The following RIN2 variants were observed in gnomAD, a reference collection of about 807,000 sequenced individuals.
RIN2 encodes RAB5 interacting protein 2.
A neutral mutation model predicts 78.0 loss-of-function variants in RIN2; 36 were observed. The ratio of observed to expected loss-of-function variants is 0.46; its 90% confidence interval spans 0.35 to 0.61. RIN2 has a LOEUF of 0.61. Ranked by LOEUF, RIN2 falls within the 20% of genes least tolerant of loss-of-function variation. The pLI is 0.00. For missense variants in RIN2, 1,087 were observed against 1,159.7 expected (o/e 0.94, Z 0.91); for synonymous variants, 466 against 466.8 (o/e 1.00, Z 0.02).
intron 3 of RIN2, among the ~76,000 whole-genome samples, chr20:19,915,385 T>G (rs2039642938): frequency 6.6e-6 from 1 of 152,056 alleles, no homozygotes; most frequent in African/African-American, 2.4e-5. Context: ...GGGTATTAAC[T>G]CCCCAGCACT....
intron 4 of RIN2, among the ~76,000 whole-genome samples, chr20:19,943,329 C>T (rs187878773): frequency 1.3e-5 from 2 of 152,308 alleles, no homozygotes; most frequent in East Asian, 3.9e-4. Flanking sequence ...GCAGCGTCTC[C>T]CTGGAGGCAG....
intron 3 of RIN2, among the ~76,000 whole-genome samples, chr20:19,914,141 T>C (rs2039586262): frequency 6.6e-6 from 1 of 152,184 alleles, no homozygotes; most frequent in South Asian, 2.1e-4. Context: ...AGATGTCAAG[T>C]GAGTTAGATC....
intron 4 of RIN2, among the ~76,000 whole-genome samples, chr20:19,948,418 G>T (rs73605552): frequency 6.6e-6 from 1 of 151,972 alleles, no homozygotes; most frequent in African/African-American, 2.4e-5. Flanking sequence ...TTTTGGAGAC[G>T]CAGTATCCAT....
chr20:19,915,108 T>A (rs938123192), intron 3 of RIN2, among the ~76,000 whole-genome samples: 5 of 152,056 alleles, frequency 3.3e-5, no homozygotes, highest in African/African-American at 1.2e-4. Context: ...GAATTTATAG[T>A]AAAAAGAAAA....
chr20:19,954,556 T>A (rs2041454619), intron 4 of RIN2, among the ~76,000 whole-genome samples: 1 of 152,212 alleles, frequency 6.6e-6, no homozygotes, highest in South Asian at 2.1e-4. Flanking sequence ...AGCAAGATCC[T>A]GACCTGAGCT....
chr20:19,913,991 A>G (rs888602958), intron 3 of RIN2, among the ~76,000 whole-genome samples: 1 of 152,246 alleles, frequency 6.6e-6, no homozygotes, highest in Non-Finnish European at 1.5e-5. Context: ...CCATAGGCAT[A>G]TGCACACGTG....
intron 12 of RIN2, among the ~76,000 whole-genome samples, chr20:19,997,625 G>A (rs537984742): frequency 6.6e-6 from 1 of 152,204 alleles, no homozygotes; most frequent in African/African-American, 2.4e-5. Context: ...TGGGTGTAGT[G>A]GCAGGCACCT....
At chr20:19,832,388 C>T (rs906667079) in intron 2 of RIN2, among the ~76,000 whole-genome samples, 1 of 149,518 alleles carries the variant, frequency 6.7e-6, no homozygotes, top group Admixed American at 6.7e-5. Context: ...CTCCCCACCT[C>T]CCTAGACTGC....
At chr20:19,831,582 C>T (rs73122286) in intron 2 of RIN2, among the ~76,000 whole-genome samples, 40 of 152,018 alleles carry the variant, frequency 2.6e-4, no homozygotes, top group Non-Finnish European at 4.4e-4. Context: ...AAGAGTAGAC[C>T]GAGATTGTTT....
intron 2 of RIN2, among the ~76,000 whole-genome samples, chr20:19,838,669 A>G (rs1240315116): frequency 6.6e-6 from 1 of 152,158 alleles, no homozygotes; most frequent in Non-Finnish European, 1.5e-5. Context: ...CCGCATGGCT[A>G]CAGGAAATCA....
At chr20:20,000,092 G>A (rs892291903) in intron 12 of RIN2, among the ~76,000 whole-genome samples, 1 of 152,234 alleles carries the variant, frequency 6.6e-6, no homozygotes, top group African/African-American at 2.4e-5. Flanking sequence ...CTACTCAGGA[G>A]GCTGAGGCAG....
chr20:19,831,366 A>G (rs2036246832), intron 2 of RIN2, among the ~76,000 whole-genome samples: 1 of 152,166 alleles, frequency 6.6e-6, no homozygotes, highest in Non-Finnish European at 1.5e-5. Context: ...TTTTCTTTTA[A>G]ATGCACCAAA....
In RIN2 at chr20:19,990,175, G is replaced by A. The variant is rs375793636; in HGVS notation, c.1932G>A (p.Pro644=). 164 of 1,606,020 alleles carry A rather than the reference G, an allele frequency of 1.0e-4. No individual in the cohort carries two copies. The African/African-American group carries it at 1.9e-3, about 19-fold the overall frequency. The part of the protein sequence containing the change: ...RNPQELGVFA[P]TPDFVDVEKI... ...CGCAGGAGCTGGGGGTCTTCGCCCC[G>A]ACCCCTGATTTTGTGGATGTGGAGA... Residue 644 remains proline, a synonymous_variant, in exon 10 of 13, where the codon CCG becomes CCA. Transcript: ENST00000255006.
chr20:19,867,008 ATTT>A (rs11468347), intron 2 of RIN2, among the ~76,000 whole-genome samples: 12 of 150,992 alleles, frequency 7.9e-5, no homozygotes, highest in African/African-American at 2.2e-4. Context: ...GTTTATTTTT[ATTT>A]TTTTTTTTGT....
intron 3 of RIN2, among the ~76,000 whole-genome samples, chr20:19,907,901 G>T (rs192179714): frequency 4.9e-4 from 75 of 152,278 alleles, no homozygotes; most frequent in African/African-American, 1.8e-3. Flanking sequence ...CATCTGTAAG[G>T]TGGGATTAAT....
At chr20:19,929,917 T>G in intron 3 of RIN2, among the ~76,000 whole-genome samples, 1 of 152,152 alleles carries the variant, frequency 6.6e-6, no homozygotes, top group African/African-American at 2.4e-5. Context: ...AGGAAGTGTT[T>G]TGTGATGCTA....
chr20:19,964,891 C>T (rs2041887557), intron 6 of RIN2, 61 bp from the exon 7 acceptor site: 4 of 1,393,628 alleles, frequency 2.9e-6, no homozygotes, highest in African/African-American at 2.8e-5. Flanking sequence ...GTGTTAGGGG[C>T]TCTTCCTGTC....
chr20:19,923,922 C>A (rs1378371131), intron 3 of RIN2, among the ~76,000 whole-genome samples: 3 of 151,914 alleles, frequency 2.0e-5, no homozygotes, highest in Non-Finnish European at 2.9e-5. Flanking sequence ...CTGTTGAGCT[C>A]ATTTGCTGTC....
chr20:19,794,004 A>C (rs924906251), intron 1 of RIN2, among the ~76,000 whole-genome samples: 2 of 152,212 alleles, frequency 1.3e-5, no homozygotes, highest in Non-Finnish European at 2.9e-5. Flanking sequence ...AAAATCAATC[A>C]AATTGGTCAC....
Sources: gnomAD v4.1 joint callset for allele counts (sites outside exome capture counted in the v4.1 genomes callset) on GRCh38, gnomAD v4.1.1 for gene constraint, MANE v1.5 for transcripts, NCBI Gene and HGNC (gene_info 2026-07-23, HGNC 2026-07-21) for gene names.